The following NAV3 variants were observed in gnomAD, a reference collection of about 807,000 sequenced individuals.
NAV3 encodes neuron navigator 3.
In NAV3, 87 loss-of-function variants were observed where a neutral mutation model predicts 244.7. The ratio of observed to expected loss-of-function variants is 0.36; its 90% CI spans 0.30 to 0.42. The LOEUF (loss-of-function observed/expected upper bound fraction) is 0.42. NAV3 is among the 20% of genes least tolerant of loss of function. The pLI, the probability that NAV3 is intolerant of heterozygous loss-of-function variation, is 1.00. For missense variants in NAV3, 2,663 were observed against 2,893.3 expected (o/e 0.92, Z 1.83); for synonymous variants, 1,126 against 1,042.2 (o/e 1.08, Z -1.55).
intron 1 of NAV3, among the ~76,000 whole-genome samples, chr12:77,847,742 T>C (rs1173917013): frequency 6.6e-6 from 1 of 152,212 alleles, no homozygotes. Flanking sequence ...TTCAAGGACT[T>C]GCAAGAAAGT....
intron 2 of NAV3, among the ~76,000 whole-genome samples, chr12:77,816,374 C>T (rs1220782524): frequency 6.6e-6 from 1 of 152,170 alleles, no homozygotes; most frequent in Non-Finnish European, 1.5e-5. Context: ...TGGGAAGTCA[C>T]TGCTTTCAGT....
intron 9 of NAV3, among the ~76,000 whole-genome samples, chr12:78,027,691 A>G (rs942143808): frequency 1.3e-5 from 2 of 152,188 alleles, no homozygotes; most frequent in African/African-American, 2.4e-5. Flanking sequence ...TTTAGCTGCT[A>G]TGTATCTTTT....
At chr12:77,954,375 A>T (rs984476234) in intron 3 of NAV3, among the ~76,000 whole-genome samples, 14 of 152,198 alleles carry the variant, frequency 9.2e-5, no homozygotes, top group African/African-American at 3.1e-4. Context: ...TGTTTAAATT[A>T]TAGTGGTAGT....
intron 6 of NAV3, among the ~76,000 whole-genome samples, chr12:77,996,571 T>C (rs940138604): frequency 2.6e-5 from 4 of 152,158 alleles, no homozygotes; most frequent in African/African-American, 9.7e-5. Flanking sequence ...TTTTTTTTCC[T>C]GATATTCACT....
chr12:78,205,167 T>A (rs184197171), intron 39 of NAV3, 29 bp downstream of exon 39: 1 of 1,599,552 alleles, frequency 6.3e-7, no homozygotes, highest in Non-Finnish European at 8.6e-7. Context: ...TTTCTTCCTA[T>A]GTAATCTTGA....
At chr12:77,967,015 G>A (rs537067676) in intron 4 of NAV3, among the ~76,000 whole-genome samples, 1 of 152,064 alleles carries the variant, frequency 6.6e-6, no homozygotes, top group South Asian at 2.1e-4. Context: ...TTTTATATTT[G>A]CTTGTTATGA....
At chr12:77,741,148 C>CAAAAAAAAAAAAAAAAAAAAAAAAGA in intron 2 of NAV3, among the ~76,000 whole-genome samples, 3 of 68,668 alleles carry the variant, frequency 4.4e-5, no homozygotes, top group African/African-American at 1.8e-4. Flanking sequence ...AAAAAAAAGA[C>CAAAAAAAAAAAAAAAAAAAAAAAAGA]AAAAAAAAAA....
At chr12:77,917,390 C>A (rs964743456) in intron 1 of NAV3, among the ~76,000 whole-genome samples, 14 of 151,736 alleles carry the variant, frequency 9.2e-5, no homozygotes, top group Admixed American at 7.2e-4. Flanking sequence ...CTATTGATAA[C>A]CTTTTCAGAA....
At chr12:78,066,328 A>G (rs888712047) in intron 12 of NAV3, among the ~76,000 whole-genome samples, 16 of 152,112 alleles carry the variant, frequency 1.1e-4, no homozygotes, top group African/African-American at 3.9e-4. Flanking sequence ...AATAAATTTC[A>G]CATTTGAGAG....
intron 2 of NAV3, 81 bp downstream of exon 2, chr12:77,940,517 T>G (rs1889767331): frequency 9.8e-7 from 1 of 1,015,306 alleles, no homozygotes; most frequent in Non-Finnish European, 1.5e-6. Flanking sequence ...TTAAGCGCCT[T>G]ACTGAACTGG....
At chr12:78,138,030 A>G (rs1258066136) in intron 19 of NAV3, among the ~76,000 whole-genome samples, 3 of 152,270 alleles carry the variant, frequency 2.0e-5, no homozygotes, top group East Asian at 1.9e-4. Flanking sequence ...CAATAATTTG[A>G]GAGACTTTTC....
rs1434609986 is a variant in NAV3 at position 78,006,962 on chromosome 12, A to G, written c.1424A>G (p.Lys475Arg). The G allele has an allele frequency of 2.5e-6, 4 of 1,613,898 alleles. No homozygotes were observed. The highest frequency in any genetic ancestry group is 3.4e-6 in the Non-Finnish European group (4 of 1,180,006). Residue 475 changes from lysine to arginine, a missense_variant, in exon 8 of 40, where the codon AAA (lysine) becomes AGA (arginine). By Grantham distance (26) the Lys-to-Arg change is conservative. Transcript: ENST00000397909. ...GAAAAAGAAGAAAAGAACAGGGACA[A>G]AAATAAAGTTTGCACTGAAAAACCA... ...PKEKEEKNRDKNKVCTEKPVK... is the reference protein window; with the variant it reads ...PKEKEEKNRDRNKVCTEKPVK...
chr12:77,740,789 G>A (rs1868313795), intron 2 of NAV3, among the ~76,000 whole-genome samples: 1 of 152,048 alleles, frequency 6.6e-6, no homozygotes, highest in African/African-American at 2.4e-5. Context: ...GGCTTACTGG[G>A]GGGCTATGAG....
intron 2 of NAV3, among the ~76,000 whole-genome samples, chr12:77,735,057 A>G (rs1433484096): frequency 1.3e-5 from 2 of 152,180 alleles, no homozygotes; most frequent in African/African-American, 4.8e-5. Context: ...GTCAGTGAAT[A>G]TACTGTGTAT....
At chr12:78,143,833 C>T (rs1320912373) in intron 20 of NAV3, among the ~76,000 whole-genome samples, 1 of 152,154 alleles carries the variant, frequency 6.6e-6, no homozygotes, top group Non-Finnish European at 1.5e-5. Flanking sequence ...CTGTAATTGA[C>T]ACCTTTAGAT....
chr12:78,108,095 A>C (rs1954899847), intron 12 of NAV3, among the ~76,000 whole-genome samples: 1 of 152,176 alleles, frequency 6.6e-6, no homozygotes, highest in African/African-American at 2.4e-5. Flanking sequence ...ATAGGCTGAA[A>C]GTAAAAGAAT....
chr12:77,810,786 C>G (rs1872250664), intron 2 of NAV3, among the ~76,000 whole-genome samples: 1 of 152,084 alleles, frequency 6.6e-6, no homozygotes, highest in South Asian at 2.1e-4. Flanking sequence ...TCTGCCTAAC[C>G]ACTTTAAATA....
intron 2 of NAV3, among the ~76,000 whole-genome samples, chr12:77,695,163 C>G (rs1285101196): frequency 6.6e-6 from 1 of 152,078 alleles, no homozygotes; most frequent in African/African-American, 2.4e-5. Context: ...CTAATATGAT[C>G]CCATTTGTCC....
chr12:77,730,661 G>T (rs1877078843), intron 2 of NAV3, among the ~76,000 whole-genome samples: 1 of 151,744 alleles, frequency 6.6e-6, no homozygotes, highest in Non-Finnish European at 1.5e-5. Context: ...GCAAATGGAA[G>T]TGAAATAATT....
Sources: gnomAD v4.1 joint callset for allele counts (sites outside exome capture counted in the v4.1 genomes callset) on GRCh38, gnomAD v4.1.1 for gene constraint, MANE v1.5 for transcripts, NCBI Gene and HGNC (gene_info 2026-07-23, HGNC 2026-07-21) for gene names.